TMPRSS2: variants seen among roughly 807,000 people sequenced by gnomAD.
TMPRSS2 encodes the protein transmembrane protease serine 2.
TMPRSS2 carries 59 observed loss-of-function variants against 67.4 expected under a neutral mutation model. That is an observed-to-expected ratio of 0.88 (90% CI 0.71 to 1.09). TMPRSS2 has a LOEUF of 1.09. Ranked by LOEUF, TMPRSS2 falls within the 50% of genes least tolerant of loss-of-function variation. TMPRSS2 has a pLI of 0.00. For missense variants in TMPRSS2, 668 were observed against 642.7 expected, an observed-to-expected ratio of 1.04 and a Z score of -0.43; for synonymous variants, 257 against 257.0, an observed-to-expected ratio of 1.00 and a Z score of 0.00.
chr21:41,479,329 A>C, intron 6 of TMPRSS2, 47 bp from the exon 7 acceptor site: 1 of 1,415,942 alleles, frequency 7.1e-7, no homozygotes, highest in Non-Finnish European at 1.0e-6. Context: ...GCATAAGCAA[A>C]CACAAATCCT....
At chr21:41,480,366 A>G (rs1023565990) in intron 6 of TMPRSS2, 110 bp downstream of exon 6, 47 of 1,513,840 alleles carry the variant, frequency 3.1e-5, no homozygotes, top group Middle Eastern at 3.9e-4. Context: ...GAAGGTGACA[A>G]TTGTCCCCAG....
chr21:41,464,629 A>G lies in TMPRSS2; in HGVS notation c.*1513T>C, dbSNP rs766689281. ...TTGAACTTTACAGTTTAAAAAAGAT[A>G]CAAAAAAAGACAAACAGTTGTTCAC... On this transcript the variant is annotated 3_prime_UTR_variant, in exon 14 of 14. Coordinates refer to ENST00000332149, the MANE Select transcript of TMPRSS2 (RefSeq NM_005656.4). 8.6e-6 allele frequency: 2 copies of G among 232,960 alleles called. No individual in the cohort carries two copies. Among genetic ancestry groups the G allele is most frequent in the African/African-American group, 4.4e-5 (2 of 45,356 alleles). 14.4% of individuals were successfully genotyped at this position (232,960 alleles called of 1,614,324 possible). A position where few individuals can be genotyped will look rare whatever the true frequency, so the allele number is the denominator to read the frequency against.
At chr21:41,501,974 G>A (rs1031224890) in intron 1 of TMPRSS2, among the ~76,000 whole-genome samples, 1 of 152,216 alleles carries the variant, frequency 6.6e-6, no homozygotes, top group Non-Finnish European at 1.5e-5. Context: ...GTGTGAAAGA[G>A]CAACAGTGGG....
chr21:41,489,376 C>T (rs777824052), intron 4 of TMPRSS2, 131 bp downstream of exon 4: 1 of 641,184 alleles, frequency 1.6e-6, no homozygotes, highest in South Asian at 2.0e-5. Flanking sequence ...GGAAGAGAGA[C>T]AGCCTCGTTA....
chr21:41,501,253 G>A (rs182838808), intron 1 of TMPRSS2, among the ~76,000 whole-genome samples: 9 of 152,260 alleles, frequency 5.9e-5, no homozygotes, highest in Admixed American at 5.2e-4. Flanking sequence ...AAAATATTCC[G>A]TGTGCCCAAG....
In TMPRSS2 at chr21:41,503,277, A is replaced by G. The variant is rs566485026; in HGVS notation, c.-57+4804T>C. 1.2e-4 allele frequency among the ~76,000 whole-genome samples: 19 copies of G among 152,332 alleles called. No individual in the cohort carries two copies. In the South Asian group the frequency reaches 2.7e-3, roughly 22 times the overall value. On this transcript the variant is annotated intron_variant, in intron 1 of 13. Coordinates refer to ENST00000332149, the MANE Select transcript of TMPRSS2 (RefSeq NM_005656.4). The stretch of plus-strand genomic sequence containing the variant: ...TGCCTCAAGCTGAGTGCAACCTGGC[A>G]TGACAGGCAGGCAGGCGGCAGAGGC...
At position 41,466,136 on chromosome 21, in the gene TMPRSS2, T is replaced by C. The variant is rs370347248; in HGVS notation, c.*6A>G. The stretch of plus-strand genomic sequence containing the variant: ...AAAACGACGTCAAGGACGAAGACCA[T>C]GTGGATTAGCCGTCTGCCTGTTCAA... On this transcript the variant is annotated 3_prime_UTR_variant, in exon 14 of 14. Coordinates refer to ENST00000332149, the MANE Select transcript of TMPRSS2 (RefSeq NM_005656.4). 101 of 1,614,038 alleles carry C rather than the reference T, an allele frequency of 6.3e-5. No individual in the cohort carries two copies. In the African/African-American group the frequency reaches 1.1e-3, roughly 18 times the overall value.
intron 5 of TMPRSS2, among the ~76,000 whole-genome samples, chr21:41,485,966 A>G (rs1262043781): frequency 6.6e-6 from 1 of 152,172 alleles, no homozygotes; most frequent in Non-Finnish European, 1.5e-5. Flanking sequence ...TTAACAGGAA[A>G]CCAGTCCCCA....
rs1303735965 is a variant in TMPRSS2, at chr21:41,491,024, A to G, written c.239-1431T>C. Among the ~76,000 whole-genome samples the G allele has an allele frequency of 3.9e-5, 6 of 152,126 alleles. No homozygotes were observed. In the East Asian group the frequency reaches 1.2e-3, roughly 29 times the overall value. On this transcript the variant is annotated intron_variant, in intron 3 of 13. Coordinates refer to ENST00000332149, the MANE Select transcript of TMPRSS2 (RefSeq NM_005656.4). ...TCGATGCCATACCTCTCTCTTTGTG[A>G]CAACATTCTGATAATTCTACCATCA...
intron 12 of TMPRSS2, 149 bp from the exon 13 acceptor site, chr21:41,468,035 G>A: frequency 1.3e-6 from 1 of 781,242 alleles, no homozygotes; most frequent in Non-Finnish European, 2.0e-6. Flanking sequence ...ATCAAGGGGT[G>A]ATGGTAACAG....
chr21:41,502,165 G>T (rs1261010099), intron 1 of TMPRSS2, among the ~76,000 whole-genome samples: 1 of 152,186 alleles, frequency 6.6e-6, no homozygotes, highest in African/African-American at 2.4e-5. Context: ...ACGATGCTGT[G>T]GCATCGTATC....
chr21:41,498,117 A>T lies in TMPRSS2; in HGVS notation c.15+2T>A. 1 of 1,604,350 alleles carries T rather than the reference A, an allele frequency of 6.2e-7. No individual in the cohort carries two copies. Among genetic ancestry groups the T allele is most frequent in the Non-Finnish European group, 8.5e-7 (1 of 1,171,684 alleles). Reference sequence around the variant, plus strand: ...CCAGGAAGGTAATAATTAACCACTTACTGAGTTCAAAGCCATCTTGCTGTT... The same window carrying T: ...CCAGGAAGGTAATAATTAACCACTTTCTGAGTTCAAAGCCATCTTGCTGTT... On this transcript the variant is annotated splice_donor_variant, in intron 2 of 13. Transcript: ENST00000332149. LOFTEE classifies it high-confidence loss of function.
At position 41,466,703 on chromosome 21, in the gene TMPRSS2, G is replaced by A. The variant is rs575787257; in HGVS notation, c.1468-550C>T. Among the ~76,000 whole-genome samples the A allele has an allele frequency of 2.7e-4, 41 of 152,326 alleles. 1 individual carries two copies. Among genetic ancestry groups the A allele is most frequent in the African/African-American group, 8.4e-4 (35 of 41,570 alleles). On this transcript the variant is annotated intron_variant, in intron 13 of 13. Coordinates refer to ENST00000332149, the MANE Select transcript of TMPRSS2 (RefSeq NM_005656.4). ...AAGGAGACACAGGTCGGGCCTCAGC[G>A]GGAAAGGCCCCCTGGTTCTGCTCCT... is the stretch of plus-strand genomic sequence containing the variant.
At position 41,476,516 on chromosome 21, in the gene TMPRSS2, C is replaced by T. The variant is rs973978189; in HGVS notation, c.727+61G>A. 4 of 1,546,574 alleles carry T rather than the reference C, an allele frequency of 2.6e-6. No individual in the cohort carries two copies. The East Asian group carries it at 6.7e-5, about 26-fold the overall frequency. On this transcript the variant is annotated intron_variant, in intron 8 of 13. Coordinates refer to ENST00000332149, the MANE Select transcript of TMPRSS2 (RefSeq NM_005656.4). ...CCCCAGAGACACAGGGAGTACTGTT[C>T]TGAAAGTAGAGAGCTTTTCCTAGTT... is the stretch of plus-strand genomic sequence containing the variant.
rs778447001 is a variant in TMPRSS2 at position 41,489,489 on chromosome 21, G to C, written c.325+18C>G. 2 of 1,611,230 alleles carry C rather than the reference G, an allele frequency of 1.2e-6. No individual in the cohort carries two copies. The highest frequency in any genetic ancestry group is 1.7e-4 in the Middle Eastern group (1 of 6,058). Reference sequence around the variant, plus strand: ...GACTGCAGGAGCACATGGTGGGATCGAGGCTCCCTGCACTTACTGAACTTC... The same window carrying C: ...GACTGCAGGAGCACATGGTGGGATCCAGGCTCCCTGCACTTACTGAACTTC... On this transcript the variant is annotated intron_variant, in intron 4 of 13. Coordinates refer to ENST00000332149, the MANE Select transcript of TMPRSS2 (RefSeq NM_005656.4).
intron 11 of TMPRSS2, 98 bp downstream of exon 11, chr21:41,470,550 G>A (rs2091123572): frequency 2.7e-6 from 3 of 1,108,782 alleles, no homozygotes; most frequent in Non-Finnish European, 3.9e-6. Context: ...TCCAGTCATT[G>A]AGTAGTAGAA....
At chr21:41,495,046 C>T (rs890565450) in intron 2 of TMPRSS2, among the ~76,000 whole-genome samples, 10 of 140,144 alleles carry the variant, frequency 7.1e-5, no homozygotes, top group African/African-American at 2.4e-4. Flanking sequence ...TCCAGCCTGG[C>T]GACAGAGCAA....
intron 5 of TMPRSS2, among the ~76,000 whole-genome samples, chr21:41,480,978 G>A (rs566732470): frequency 1.3e-5 from 2 of 152,158 alleles, no homozygotes; most frequent in East Asian, 1.9e-4. Flanking sequence ...CCCAAGCCCC[G>A]CGCTCTCCAC....
chr21:41,477,261 A>G (rs1004451969), intron 7 of TMPRSS2, among the ~76,000 whole-genome samples: 5 of 152,196 alleles, frequency 3.3e-5, no homozygotes, highest in African/African-American at 1.2e-4. Context: ...GAGCGTCAAT[A>G]TCGGACTAGG....
Sources: allele counts gnomAD v4.1 joint callset (sites outside exome capture counted in the v4.1 genomes callset), GRCh38; gene constraint gnomAD v4.1.1; transcripts MANE v1.5; gene names NCBI Gene and HGNC (gene_info 2026-07-23, HGNC 2026-07-21).